Variants in TMC1 observed in about 807,000 individuals in gnomAD.
TMC1 encodes transmembrane channel like 1.
In TMC1, 84 loss-of-function variants were observed where a neutral mutation model predicts 105.8. That is an observed-to-expected ratio of 0.79 (90% CI 0.67 to 0.95). The LOEUF (loss-of-function observed/expected upper bound fraction) is 0.95, where lower values mean the gene tolerates loss of function less well. TMC1 is among the 40% of genes least tolerant of loss of function. The probability of loss-of-function intolerance (pLI) is 0.00; values close to 1 mark genes in which losing one functional copy is unlikely to be tolerated. For missense variants in TMC1, 817 were observed against 914.1 expected (o/e 0.89, Z 1.37); for synonymous variants, 315 against 311.5 (o/e 1.01, Z -0.12).
At chr9:72,743,578 A>AAAAG (rs1350418235) in intron 10 of TMC1, among the ~76,000 whole-genome samples, 2 of 149,374 alleles carry the variant, frequency 1.3e-5, no homozygotes, top group East Asian at 1.9e-4. Context: ...AAAAAAAAAA[A>AAAAG]AAAGAAAGAA....
intron 19 of TMC1, among the ~76,000 whole-genome samples, chr9:72,817,677 T>A (rs1448313346): frequency 1.3e-5 from 2 of 152,230 alleles, no homozygotes; most frequent in Non-Finnish European, 1.5e-5. Flanking sequence ...TCTAGAAATT[T>A]GTTTTTATTG....
At position 72,700,548 on chromosome 9, in the gene TMC1, G is replaced by A; in HGVS notation, c.267G>A (p.Leu89=). Residue 89 remains leucine, a synonymous_variant, in exon 8 of 24, where the codon TTG becomes TTA. Transcript: ENST00000297784. ...AEEEEIDEEE[L]ERLKAELDEK... ...AAGAAGAAATTGATGAAGAGGAATTGGAAAGATTGAAGGCAGAGTTAGATG... is the reference window on the plus strand; with the variant it reads ...AAGAAGAAATTGATGAAGAGGAATTAGAAAGATTGAAGGCAGAGTTAGATG... 6.3e-7 allele frequency: 1 copy of A among 1,598,654 alleles called. No homozygotes were observed. The highest frequency in any genetic ancestry group is 8.5e-7 in the Non-Finnish European group (1 of 1,169,708).
At chr9:72,828,278 G>A (rs1479829002) in intron 21 of TMC1, among the ~76,000 whole-genome samples, 2 of 152,162 alleles carry the variant, frequency 1.3e-5, no homozygotes, top group African/African-American at 4.8e-5. Flanking sequence ...ACTGAATGCA[G>A]CATGTTTCAC....
intron 1 of TMC1, among the ~76,000 whole-genome samples, chr9:72,548,404 TCTA>T (rs1262815985): frequency 6.6e-6 from 1 of 152,060 alleles, no homozygotes; most frequent in Non-Finnish European, 1.5e-5. Flanking sequence ...AAATTCCATC[TCTA>T]CTAAAAATAC....
intron 5 of TMC1, chr9:72,655,741 CA>C (rs34249073): frequency 0.47 from 185,770 of 395,858 alleles, 30,605 homozygotes; most frequent in African/African-American, 0.7. Flanking sequence ...GAATCCGTAT[CA>C]AAAAAAAAAA....
intron 1 of TMC1, among the ~76,000 whole-genome samples, chr9:72,523,489 A>C (rs138920322): frequency 6.6e-6 from 1 of 152,234 alleles, no homozygotes; most frequent in Admixed American, 6.5e-5. Flanking sequence ...GTATTCTTAC[A>C]ATAAGGTAAG....
intron 2 of TMC1, among the ~76,000 whole-genome samples, chr9:72,587,453 C>T (rs992636719): frequency 2.6e-5 from 4 of 152,166 alleles, no homozygotes; most frequent in African/African-American, 9.7e-5. Flanking sequence ...CCACTGTGCC[C>T]AGCCAACAGA....
At chr9:72,768,157 G>T (rs978582843) in intron 12 of TMC1, among the ~76,000 whole-genome samples, 2 of 152,150 alleles carry the variant, frequency 1.3e-5, no homozygotes, top group East Asian at 3.9e-4. Context: ...AAAAGGATGG[G>T]TTCATGTCCT....
At chr9:72,725,401 A>G (rs1026843628) in intron 8 of TMC1, among the ~76,000 whole-genome samples, 5 of 146,062 alleles carry the variant, frequency 3.4e-5, no homozygotes, top group Admixed American at 1.4e-4. Flanking sequence ...ACATATATAT[A>G]CAGGAGTTTA....
At chr9:72,827,249 A>C (rs1323926278) in intron 21 of TMC1, among the ~76,000 whole-genome samples, 1 of 152,220 alleles carries the variant, frequency 6.6e-6, no homozygotes, top group Non-Finnish European at 1.5e-5. Flanking sequence ...TAACCACAAT[A>C]ATTATCCATA....
At chr9:72,649,940 A>G (rs74986408) in intron 5 of TMC1, among the ~76,000 whole-genome samples, 3,819 of 152,296 alleles carry the variant, frequency 0.025, 61 homozygotes, top group Non-Finnish European at 0.035. Context: ...CTCATTAAGC[A>G]AGTCAAATTA....
intron 5 of TMC1, among the ~76,000 whole-genome samples, chr9:72,688,447 A>C (rs920554059): frequency 6.6e-6 from 1 of 152,132 alleles, no homozygotes; most frequent in Non-Finnish European, 1.5e-5. Context: ...TTGAGCTGAT[A>C]GCTTATAACT....
intron 10 of TMC1, among the ~76,000 whole-genome samples, chr9:72,750,050 T>A (rs1436066227): frequency 6.6e-6 from 1 of 152,130 alleles, no homozygotes; most frequent in Non-Finnish European, 1.5e-5. Flanking sequence ...GAGGTTACAG[T>A]GAGCCAAGAT....
Position 72,811,558 on chromosome 9 carries a change from C to T in TMC1, c.1696-4585C>T, listed in dbSNP as rs114303147. 6.7e-3 allele frequency among the ~76,000 whole-genome samples: 1,017 copies of T among 152,246 alleles called. 11 individuals are homozygous for T. The highest frequency in any genetic ancestry group is 0.022 in the African/African-American group (904 of 41,564). ...ATATCTTTATCTTCACTTCAGTTTT[C>T]ATTGACACCATTCTTACTATTTACC... is the stretch of plus-strand genomic sequence containing the variant. On this transcript the variant is annotated intron_variant, in intron 18 of 23. Transcript: ENST00000297784.
intron 4 of TMC1, among the ~76,000 whole-genome samples, chr9:72,647,101 C>T (rs1277448898): frequency 6.9e-6 from 1 of 144,826 alleles, no homozygotes; most frequent in Non-Finnish European, 1.5e-5. Context: ...GAGAGCATGC[C>T]ACTGCACTCT....
At chr9:72,723,559 T>A (rs1437862323) in intron 8 of TMC1, among the ~76,000 whole-genome samples, 3 of 152,236 alleles carry the variant, frequency 2.0e-5, no homozygotes, top group African/African-American at 7.2e-5. Flanking sequence ...TTATTAATAT[T>A]TATTGTATTG....
intron 13 of TMC1, among the ~76,000 whole-genome samples, chr9:72,780,384 T>C (rs536714009): frequency 3.1e-4 from 47 of 152,280 alleles, no homozygotes; most frequent in African/African-American, 1.1e-3. Flanking sequence ...AACAACACTA[T>C]GACAGGATCA....
chr9:72,724,050 A>G (rs1233037089), intron 8 of TMC1, among the ~76,000 whole-genome samples: 1 of 152,232 alleles, frequency 6.6e-6, no homozygotes, highest in Non-Finnish European at 1.5e-5. Context: ...ATTGGAAAAA[A>G]TGGGTCTAAA....
intron 1 of TMC1, among the ~76,000 whole-genome samples, chr9:72,549,785 A>G (rs746049226): frequency 1.3e-5 from 2 of 151,708 alleles, no homozygotes; most frequent in South Asian, 2.1e-4. Flanking sequence ...TGATTTTTGT[A>G]TATTTTTTAA....
Sources: allele counts gnomAD v4.1 joint callset (sites outside exome capture counted in the v4.1 genomes callset), GRCh38; gene constraint gnomAD v4.1.1; transcripts MANE v1.5; gene names NCBI Gene and HGNC (gene_info 2026-07-23, HGNC 2026-07-21).